ITGA11: variants seen among roughly 807,000 people sequenced by gnomAD.
ITGA11 encodes integrin subunit alpha 11.
A neutral mutation model predicts 141.9 loss-of-function variants in ITGA11; 97 were observed. The ratio of observed to expected loss-of-function variants is 0.68; its 90% confidence interval spans 0.58 to 0.81. The LOEUF is 0.81. Ranked by LOEUF, ITGA11 falls within the 30% of genes least tolerant of loss-of-function variation. The pLI is 0.00. For missense variants in ITGA11, 1,387 were observed against 1,559.2 expected (o/e 0.89, Z 1.86); for synonymous variants, 658 against 624.6 (o/e 1.05, Z -0.80).
intron 2 of ITGA11, among the ~76,000 whole-genome samples, chr15:68,389,404 C>T (rs1011991161): frequency 3.3e-5 from 5 of 152,196 alleles, no homozygotes; most frequent in East Asian, 1.9e-4. Context: ...GGGCCAGCAG[C>T]GTGTCTGGGG....
Position 68,326,929 on chromosome 15 carries a change from G to GAGTTTCTCACCCACAC in ITGA11, c.2069-134_2069-133insGTGTGGGTGAGAAACT. On this transcript the variant is annotated intron_variant, in intron 16 of 29. Coordinates refer to ENST00000315757, the MANE Select transcript of ITGA11 (RefSeq NM_001004439.2). The surrounding 1 kb of genome is among the most constrained non-coding windows in gnomAD (Gnocchi z 6.8). ...TTTCCTCTCACGAGCCCCAGTGTGGGTGAGAAACTCCCACATGGAGAGCAA... is the reference window on the plus strand; with the variant it reads ...TTTCCTCTCACGAGCCCCAGTGTGGGAGTTTCTCACCCACACTGAGAAACTCCCACATGGAGAGCAA... 2.1e-6 allele frequency: 2 copies of GAGTTTCTCACCCACAC among 938,910 alleles called. No homozygotes were observed. Among genetic ancestry groups the GAGTTTCTCACCCACAC allele is most frequent in the Non-Finnish European group, 3.1e-6 (2 of 643,620 alleles). 58.2% of individuals were successfully genotyped at this position (938,910 alleles called of 1,614,324 possible). A position where few individuals can be genotyped will look rare whatever the true frequency, so the allele number is the denominator to read the frequency against.
chr15:68,377,071 C>T (rs1022236417), intron 2 of ITGA11, among the ~76,000 whole-genome samples: 4 of 152,220 alleles, frequency 2.6e-5, no homozygotes, highest in Admixed American at 6.5e-5. Context: ...CTCTGACCAT[C>T]TAGCGCACCC....
chr15:68,348,979 C>T, intron 9 of ITGA11, 79 bp from the exon 10 acceptor site: 2 of 1,261,192 alleles, frequency 1.6e-6, no homozygotes, highest in Non-Finnish European at 2.3e-6. Flanking sequence ...CAACCCACAG[C>T]TCCTGCTTCC....
intron 24 of ITGA11, 123 bp from the exon 25 acceptor site, chr15:68,311,526 C>T (rs992851419): frequency 7.5e-6 from 5 of 663,764 alleles, no homozygotes; most frequent in Admixed American, 4.7e-5. Context: ...AAAAGGCCCA[C>T]TCAAGACCCC....
At chr15:68,384,342 C>A (rs764994171) in intron 2 of ITGA11, among the ~76,000 whole-genome samples, 4 of 151,836 alleles carry the variant, frequency 2.6e-5, no homozygotes, top group African/African-American at 7.3e-5. Context: ...ATGCAAGGAA[C>A]CTTAGGAGCT....
chr15:68,412,099 AG>A (rs775913036), intron 1 of ITGA11, among the ~76,000 whole-genome samples: 1 of 152,084 alleles, frequency 6.6e-6, no homozygotes, highest in Non-Finnish European at 1.5e-5. Flanking sequence ...TGTGCCACTG[AG>A]ATTTGGGGGG....
At chr15:68,365,356 T>C in intron 3 of ITGA11, 1 of 986,798 alleles carries the variant, frequency 1.0e-6, no homozygotes, top group South Asian at 4.7e-5. Context: ...TGCCCAGGAA[T>C]GCCATTCTGA....
In ITGA11 at chr15:68,401,923, G is replaced by A. The variant is rs909919702; in HGVS notation, c.164+995C>T. On this transcript the variant is annotated intron_variant, in intron 2 of 29. Coordinates refer to ENST00000315757, the MANE Select transcript of ITGA11 (RefSeq NM_001004439.2). The stretch of plus-strand genomic sequence containing the variant: ...AGAGAATTAGCCAGATGGTGGTGGG[G>A]TGAGCAGAGAAGTCAGGAGAGGGTG... Among the ~76,000 whole-genome samples, 25 of 152,142 alleles carry A rather than the reference G, an allele frequency of 1.6e-4. 1 individual carries two copies. The highest frequency in any genetic ancestry group is 2.9e-5 in the Non-Finnish European group (2 of 68,028).
At position 68,351,402 on chromosome 15, in the gene ITGA11, G is replaced by A; in HGVS notation, c.750C>T (p.Arg250=). 6.2e-7 allele frequency: 1 copy of A among 1,613,752 alleles called. No individual in the cohort carries two copies. Among genetic ancestry groups the A allele is most frequent in the Non-Finnish European group, 8.5e-7 (1 of 1,179,838 alleles). ...TRTAFGIEFA[R]SEAFQKGGRK... is the part of the protein sequence containing the mutation. ...TTCCACCCTTCTGGAAAGCCTCTGA[G>A]CTGGAAGCCAAGCACAGGGGCAGGG... The change falls in exon 8 of 30, where the codon CGC becomes CGT. Residue 250 remains arginine, a splice_region_variant and synonymous_variant. Coordinates refer to ENST00000315757, the MANE Select transcript of ITGA11 (RefSeq NM_001004439.2).
chr15:68,347,510 G>T (rs1043916444), intron 10 of ITGA11, among the ~76,000 whole-genome samples: 4 of 152,164 alleles, frequency 2.6e-5, no homozygotes, highest in Non-Finnish European at 5.9e-5. Context: ...AAGACAGTGG[G>T]CATGAAACTG....
intron 13 of ITGA11, 65 bp from the exon 14 acceptor site, chr15:68,332,127 C>T: frequency 2.9e-6 from 4 of 1,391,624 alleles, no homozygotes; most frequent in East Asian, 5.0e-5. Context: ...CTCATAATTC[C>T]CTCTGCAGGC....
intron 21 of ITGA11, among the ~76,000 whole-genome samples, chr15:68,316,639 T>G (rs1368811380): frequency 6.6e-6 from 1 of 152,184 alleles, no homozygotes. Context: ...TCCCCAGCTG[T>G]GCAGACCCTG....
intron 7 of ITGA11, among the ~76,000 whole-genome samples, chr15:68,354,626 G>C (rs1042116572): frequency 6.6e-6 from 1 of 152,192 alleles, no homozygotes; most frequent in African/African-American, 2.4e-5. Flanking sequence ...CACGTCTTCT[G>C]TTCACCTCTT....
intron 2 of ITGA11, among the ~76,000 whole-genome samples, chr15:68,379,670 A>C (rs1895812232): frequency 1.3e-5 from 2 of 152,330 alleles, no homozygotes; most frequent in South Asian, 4.1e-4. Flanking sequence ...TTCTCCCCGC[A>C]GAGAGGCTGG....
intron 2 of ITGA11, among the ~76,000 whole-genome samples, chr15:68,397,722 ATT>A (rs1446929494): frequency 0.042 from 2,602 of 61,840 alleles, 249 homozygotes; most frequent in African/African-American, 0.17. Flanking sequence ...TATTTAAAAT[ATT>A]ATATTTAAAA....
At chr15:68,411,566 C>T (rs1896771292) in intron 1 of ITGA11, among the ~76,000 whole-genome samples, 1 of 152,182 alleles carries the variant, frequency 6.6e-6, no homozygotes, top group South Asian at 2.1e-4. Flanking sequence ...AAGAGAGGAA[C>T]TGGAGGCACA....
rs1031312136 is a variant in ITGA11, at chr15:68,301,819, G to T, written c.*1240C>A. ...CCCTTGCATTTCTACCTCAAAACAA[G>T]ACTAAGGCATAAATTACTCCACTGG... On this transcript the variant is annotated 3_prime_UTR_variant, in exon 30 of 30. Coordinates refer to ENST00000315757, the MANE Select transcript of ITGA11 (RefSeq NM_001004439.2). This position sits in a 1 kb window ranked among gnomAD's most constrained non-coding sequence, Gnocchi z 4.4. The T allele has an allele frequency of 6.6e-6, 1 of 152,604 alleles. No individual in the cohort carries two copies. The highest frequency in any genetic ancestry group is 2.4e-5 in the African/African-American group (1 of 41,418). The allele number at this position is 152,604 out of a possible 1,614,324, so 9.5% of individuals were successfully genotyped here. A position where few individuals can be genotyped will look rare whatever the true frequency, so the allele number is the denominator to read the frequency against.
At chr15:68,342,706 G>A (rs373278345) in intron 10 of ITGA11, among the ~76,000 whole-genome samples, 1 of 152,226 alleles carries the variant, frequency 6.6e-6, no homozygotes, top group Non-Finnish European at 1.5e-5. Flanking sequence ...CTAGGGCAGT[G>A]CTGCTCAGCC....
In ITGA11 at chr15:68,311,078, C is replaced by T. The variant is rs753109919; in HGVS notation, c.3090G>A (p.Ala1030=). The change falls in exon 26 of 30, where the codon GCG becomes GCA. Residue 1030 remains alanine, a splice_region_variant and synonymous_variant. Coordinates refer to ENST00000315757, the MANE Select transcript of ITGA11 (RefSeq NM_001004439.2). ...TGCCCCAGATGTTACAGGACGTGTT[C>T]GCCTACATAAAGGACATGGACACAC... ...LKLRDFLTDE[A]NTSCNIWGNS... is the part of the protein sequence containing the mutation. 21 of 1,605,692 alleles carry T rather than the reference C, an allele frequency of 1.3e-5. No individual in the cohort carries two copies. The highest frequency in any genetic ancestry group is 4.5e-5 in the South Asian group (4 of 89,402).
Sources: allele counts gnomAD v4.1 joint callset (sites outside exome capture counted in the v4.1 genomes callset), GRCh38; gene constraint gnomAD v4.1.1; non-coding constraint Gnocchi (gnomAD v3.1); transcripts MANE v1.5; gene names NCBI Gene and HGNC (gene_info 2026-07-23, HGNC 2026-07-21).